Variants in TMEM123 observed in about 807,000 individuals in gnomAD.
The protein encoded by TMEM123 is porimin.
In TMEM123, 16 loss-of-function variants were observed where a neutral mutation model predicts 19.7. That is an observed-to-expected ratio of 0.81 (90% CI 0.55 to 1.23). The LOEUF is 1.23. Ranked by LOEUF, TMEM123 falls within the 50% of genes most tolerant of loss-of-function variation. The pLI, the probability that TMEM123 is intolerant of heterozygous loss-of-function variation, is 0.00. For missense variants in TMEM123, 313 were observed against 257.8 expected (o/e 1.21, Z -1.47); for synonymous variants, 118 against 99.4 (o/e 1.19, Z -1.12).
intron 2 of TMEM123, among the ~76,000 whole-genome samples, chr11:102,427,384 GGAGAAGGCAGAAGTGGAA>G (rs560590580): frequency 9.2e-5 from 14 of 151,970 alleles, no homozygotes; most frequent in African/African-American, 2.9e-4. Flanking sequence ...AGGAACAAGG[GGAGAAGGCAGAAGTGGAA>G]GAGAAGGCAG....
intron 2 of TMEM123, among the ~76,000 whole-genome samples, chr11:102,407,164 G>GT (rs779168789): frequency 2.0e-5 from 3 of 152,226 alleles, no homozygotes; most frequent in Non-Finnish European, 4.4e-5. Context: ...AACAGCAGAA[G>GT]TGAGGAGAAG....
chr11:102,401,572 T>C lies in TMEM123; in HGVS notation c.569A>G (p.Tyr190Cys). 1 of 1,596,022 alleles carries C rather than the reference T, an allele frequency of 6.3e-7. No homozygotes were observed. The highest frequency in any genetic ancestry group is 1.2e-5 in the South Asian group (1 of 86,760). ...ATACCGAATGCCTCTTCTTGAGTAA[T>C]ACATTTTGCATCCAATGTAAAGAAT... ...LSILYIGCKM[Y>C]YSRRGIRYRT... Residue 190 changes from tyrosine to cysteine, a missense_variant, in exon 4 of 5, where the codon TAT (tyrosine) becomes TGT (cysteine). Tyr to Cys is a radical substitution (Grantham distance 194, BLOSUM62 -2). Coordinates refer to ENST00000398136, the MANE Select transcript of TMEM123 (RefSeq NM_052932.3).
chr11:102,428,464 G>C (rs1366912518), intron 2 of TMEM123, among the ~76,000 whole-genome samples: 1 of 150,088 alleles, frequency 6.7e-6, no homozygotes, highest in Non-Finnish European at 1.5e-5. Context: ...ACCACACCCA[G>C]CTTTTTTTTT....
intron 2 of TMEM123, among the ~76,000 whole-genome samples, chr11:102,429,732 T>C (rs565917005): frequency 6.6e-6 from 1 of 152,360 alleles, no homozygotes; most frequent in South Asian, 2.1e-4. Flanking sequence ...TAAACTATTA[T>C]AGGCTTCAGA....
At chr11:102,401,858 A>T in intron 3 of TMEM123, 58 bp downstream of exon 3, 1 of 1,571,388 alleles carries the variant, frequency 6.4e-7, no homozygotes, top group South Asian at 1.2e-5. Context: ...ATAATGACTT[A>T]AATGTGGCAT....
At chr11:102,419,002 A>G (rs2135851408) in intron 2 of TMEM123, among the ~76,000 whole-genome samples, 1 of 152,184 alleles carries the variant, frequency 6.6e-6, no homozygotes, top group South Asian at 2.1e-4. Flanking sequence ...ACACACCAAC[A>G]CCTGCCTGAG....
At chr11:102,432,039 T>C (rs969024250) in intron 2 of TMEM123, among the ~76,000 whole-genome samples, 2 of 152,166 alleles carry the variant, frequency 1.3e-5, no homozygotes, top group Admixed American at 1.3e-4. Flanking sequence ...AATTAATCCA[T>C]CTTGGGTATT....
At chr11:102,434,975 C>T (rs1350158066) in intron 2 of TMEM123, among the ~76,000 whole-genome samples, 2 of 151,704 alleles carry the variant, frequency 1.3e-5, no homozygotes, top group Non-Finnish European at 2.9e-5. Context: ...CTATAGTCAC[C>T]ACAATATACA....
At chr11:102,434,541 T>C (rs1857743830) in intron 2 of TMEM123, among the ~76,000 whole-genome samples, 1 of 151,990 alleles carries the variant, frequency 6.6e-6, no homozygotes. Context: ...ATCTGTATGA[T>C]GTCTCTTCAT....
intron 2 of TMEM123, among the ~76,000 whole-genome samples, chr11:102,405,634 C>T (rs955593804): frequency 1.8e-4 from 27 of 151,946 alleles, no homozygotes; most frequent in African/African-American, 5.8e-4. Flanking sequence ...AGAATGATCC[C>T]GCAGAATAAA....
chr11:102,412,441 A>C (rs754494351), intron 2 of TMEM123, among the ~76,000 whole-genome samples: 72 of 152,178 alleles, frequency 4.7e-4, no homozygotes, highest in Admixed American at 2.6e-3. Context: ...AACAAAAGCA[A>C]ACAGAATCAA....
intron 2 of TMEM123, among the ~76,000 whole-genome samples, chr11:102,445,348 T>G (rs1857873838): frequency 6.6e-6 from 1 of 152,180 alleles, no homozygotes. Context: ...TCTGTGTATC[T>G]ATCACTGTTT....
intron 2 of TMEM123, among the ~76,000 whole-genome samples, chr11:102,435,478 A>G (rs1325297287): frequency 7.9e-5 from 12 of 151,964 alleles, no homozygotes; most frequent in Admixed American, 7.9e-4. Context: ...ACCCTTATAC[A>G]CTGCTGGTGT....
rs147344409 is a variant in TMEM123, at chr11:102,440,617, G to A, written c.157+8195C>T. 6.4e-3 allele frequency among the ~76,000 whole-genome samples: 981 copies of A among 152,262 alleles called. 18 individuals are homozygous for A. Among genetic ancestry groups the A allele is most frequent in the African/African-American group, 0.022 (925 of 41,538 alleles). On this transcript the variant is annotated intron_variant, in intron 2 of 4. Coordinates refer to ENST00000398136, the MANE Select transcript of TMEM123 (RefSeq NM_052932.3). ...AACATGTCAAATTGTAAAGACCATC[G>A]ATGATAGGAAGAAACTGCATTAACT...
chr11:102,398,616 T>G lies in TMEM123; in HGVS notation c.*251A>C. On this transcript the variant is annotated 3_prime_UTR_variant, in exon 5 of 5. Transcript: ENST00000398136. ...CCAGCCAAAAAAAAAAAGATAGGAC[T>G]TGTTTGTCTTACTATGAACTTGCTA... 4.0e-6 allele frequency: 2 copies of G among 503,370 alleles called. No individual in the cohort carries two copies. 31.2% of individuals were successfully genotyped at this position (503,370 alleles called of 1,614,324 possible).
At chr11:102,419,726 A>G (rs916715704) in intron 2 of TMEM123, among the ~76,000 whole-genome samples, 1 of 152,192 alleles carries the variant, frequency 6.6e-6, no homozygotes, top group African/African-American at 2.4e-5. Context: ...GGAGAATTCA[A>G]TTTTTCTATT....
intron 2 of TMEM123, among the ~76,000 whole-genome samples, chr11:102,426,396 T>C (rs998107132): frequency 2.0e-5 from 3 of 152,138 alleles, no homozygotes; most frequent in Non-Finnish European, 4.4e-5. Flanking sequence ...AGGGAGCCGA[T>C]GCAGACAGCA....
At chr11:102,446,685 C>T (rs1857887440) in intron 2 of TMEM123, among the ~76,000 whole-genome samples, 1 of 152,202 alleles carries the variant, frequency 6.6e-6, no homozygotes, top group African/African-American at 2.4e-5. Context: ...ATAGATTTCA[C>T]TCTCAAGGAA....
intron 1 of TMEM123, 87 bp from the exon 2 acceptor site, chr11:102,448,955 G>A: frequency 7.7e-7 from 1 of 1,305,348 alleles, no homozygotes; most frequent in Non-Finnish European, 1.1e-6. Context: ...GCGGGAGTAG[G>A]GGTAGTGGTG....
Sources: gnomAD v4.1 joint callset for allele counts (sites outside exome capture counted in the v4.1 genomes callset) on GRCh38, gnomAD v4.1.1 for gene constraint, MANE v1.5 for transcripts, NCBI Gene and HGNC (gene_info 2026-07-23, HGNC 2026-07-21) for gene names.